NRXN1: variants seen among roughly 807,000 people sequenced by gnomAD.
The protein encoded by NRXN1 is neurexin 1.
Under a neutral mutation model 150.9 loss-of-function variants are expected in NRXN1, and 39 were observed. The observed-to-expected ratio is 0.26, with a 90% CI of 0.20 to 0.34. The LOEUF (loss-of-function observed/expected upper bound fraction) is 0.34, where lower values mean the gene tolerates loss of function less well. Ranked by LOEUF, NRXN1 falls within the 10% of genes least tolerant of loss-of-function variation. NRXN1 has a pLI of 1.00. For synonymous variants in NRXN1, 924 were observed against 757.0 expected (o/e 1.22, Z -3.62); for missense variants, 1,815 against 1,949.9 (o/e 0.93, Z 1.30).
chr2:50,668,395 C>G (rs1436123007), intron 5 of NRXN1, among the ~76,000 whole-genome samples: 1 of 151,770 alleles, frequency 6.6e-6, no homozygotes, highest in Non-Finnish European at 1.5e-5. Flanking sequence ...CTTATTAAAT[C>G]ATTACTGCAA....
chr2:50,200,052 T>A (rs2152832285), intron 18 of NRXN1, among the ~76,000 whole-genome samples: 1 of 152,288 alleles, frequency 6.6e-6, no homozygotes, highest in Non-Finnish European at 1.5e-5. Context: ...TGGATGCAGC[T>A]AATAATTCCT....
intron 17 of NRXN1, among the ~76,000 whole-genome samples, chr2:50,389,844 C>T (rs2081570579): frequency 6.6e-6 from 1 of 152,048 alleles, no homozygotes; most frequent in Admixed American, 6.6e-5. Flanking sequence ...AACCCAAACC[C>T]CAGGGAAGGC....
At chr2:50,190,618 T>C (rs907901468) in intron 18 of NRXN1, among the ~76,000 whole-genome samples, 11 of 150,478 alleles carry the variant, frequency 7.3e-5, no homozygotes, top group Admixed American at 5.3e-4. Context: ...TTTTTCTTTT[T>C]TTTTTTTTTT....
intron 5 of NRXN1, among the ~76,000 whole-genome samples, chr2:50,709,864 A>G (rs1559153237): frequency 6.6e-6 from 1 of 152,192 alleles, no homozygotes; most frequent in African/African-American, 2.4e-5. Context: ...CATTCCTCTA[A>G]GATCACAAGG....
intron 12 of NRXN1, among the ~76,000 whole-genome samples, chr2:50,518,593 T>C (rs2092694046): frequency 6.6e-6 from 1 of 151,966 alleles, no homozygotes; most frequent in African/African-American, 2.4e-5. Flanking sequence ...TTTGGATATT[T>C]ACAAAATGTA....
intron 15 of NRXN1, among the ~76,000 whole-genome samples, chr2:50,492,160 A>G (rs559398241): frequency 1.3e-5 from 2 of 152,308 alleles, no homozygotes; most frequent in South Asian, 4.1e-4. Flanking sequence ...AATGAATACA[A>G]AGCTAGGCTA....
chr2:49,998,798 G>T (rs1484683366), intron 21 of NRXN1, among the ~76,000 whole-genome samples: 1 of 152,058 alleles, frequency 6.6e-6, no homozygotes, highest in Non-Finnish European at 1.5e-5. Context: ...AGTAGTGTAG[G>T]TGCTTTTTGT....
At chr2:50,828,629 T>C (rs570668970) in intron 5 of NRXN1, among the ~76,000 whole-genome samples, 1 of 144,232 alleles carries the variant, frequency 6.9e-6, no homozygotes, top group South Asian at 2.3e-4. Flanking sequence ...TCTCAGAAGA[T>C]GGGTGGCCGG....
At chr2:50,517,379 G>T (rs570548399) in intron 12 of NRXN1, among the ~76,000 whole-genome samples, 17 of 149,318 alleles carry the variant, frequency 1.1e-4, no homozygotes, top group African/African-American at 3.7e-4. Context: ...CTAAGTATTT[G>T]TTGAATGGGT....
At position 50,607,979 on chromosome 2, in the gene NRXN1, T is replaced by A. The variant is rs574466670; in HGVS notation, c.1320+12043A>T. Among the ~76,000 whole-genome samples the A allele has an allele frequency of 1.0e-3, 156 of 152,058 alleles. 5 individuals carry two copies. In the South Asian group the frequency reaches 0.031, roughly 30 times the overall value. ...CCCTCAGTGTAATCAGATGAGAAGA[T>A]CCTGACTTCCATCTCCAGAAAGAAG... is the stretch of plus-strand genomic sequence containing the variant. On this transcript the variant is annotated intron_variant, in intron 8 of 22. Transcript: ENST00000401669.
intron 5 of NRXN1, among the ~76,000 whole-genome samples, chr2:50,911,279 A>T (rs768943959): frequency 3.3e-5 from 5 of 151,786 alleles, no homozygotes; most frequent in Non-Finnish European, 5.9e-5. Flanking sequence ...ACAACATTAC[A>T]ATCTCGTGTT....
At chr2:50,983,553 C>T (rs1251404995) in intron 2 of NRXN1, among the ~76,000 whole-genome samples, 1 of 152,204 alleles carries the variant, frequency 6.6e-6, no homozygotes, top group African/African-American at 2.4e-5. Context: ...AAACACAGGA[C>T]AGTTAACAAA....
intron 21 of NRXN1, among the ~76,000 whole-genome samples, chr2:49,979,197 TGA>T (rs749178368): frequency 2.0e-5 from 3 of 152,300 alleles, no homozygotes; most frequent in Non-Finnish European, 2.9e-5. Flanking sequence ...CTTGAGAGGC[TGA>T]GGCAGGATAA....
intron 21 of NRXN1, among the ~76,000 whole-genome samples, chr2:49,988,971 G>C (rs1681442895): frequency 6.6e-6 from 1 of 152,190 alleles, no homozygotes; most frequent in South Asian, 2.1e-4. Context: ...TCATATGCAT[G>C]TACAGTGGGA....
intron 8 of NRXN1, among the ~76,000 whole-genome samples, chr2:50,605,030 G>C (rs1165689377): frequency 6.6e-6 from 1 of 152,044 alleles, no homozygotes; most frequent in Non-Finnish European, 1.5e-5. Flanking sequence ...TCATCTACTT[G>C]GGAAACCCCA....
At chr2:50,859,922 T>C (rs1453399491) in intron 5 of NRXN1, among the ~76,000 whole-genome samples, 1 of 151,992 alleles carries the variant, frequency 6.6e-6, no homozygotes, top group Non-Finnish European at 1.5e-5. Context: ...TACATTTCTA[T>C]GTTGTATTGG....
intron 17 of NRXN1, among the ~76,000 whole-genome samples, chr2:50,327,028 C>T (rs115485412): frequency 0.017 from 2,599 of 152,282 alleles, 49 homozygotes; most frequent in African/African-American, 0.059. Context: ...TAAACAAAAT[C>T]CTGTTTCCTA....
intron 5 of NRXN1, among the ~76,000 whole-genome samples, chr2:50,741,188 CAG>C (rs1320703916): frequency 6.6e-6 from 1 of 152,066 alleles, no homozygotes; most frequent in African/African-American, 2.4e-5. Flanking sequence ...CCATTTATGA[CAG>C]AATAAAACAG....
intron 17 of NRXN1, among the ~76,000 whole-genome samples, chr2:50,259,727 T>TC (rs1374947159): frequency 6.6e-6 from 1 of 151,896 alleles, no homozygotes; most frequent in Non-Finnish European, 1.5e-5. Context: ...TTTGCAGTGT[T>TC]CCCCTTTTTT....
Sources: gnomAD v4.1 joint callset for allele counts (sites outside exome capture counted in the v4.1 genomes callset) on GRCh38, gnomAD v4.1.1 for gene constraint, MANE v1.5 for transcripts, NCBI Gene and HGNC (gene_info 2026-07-23, HGNC 2026-07-21) for gene names.